Variants in GMEB1 observed in about 807,000 individuals in gnomAD.
GMEB1 encodes the protein glucocorticoid modulatory element-binding protein 1.
In GMEB1, 6 loss-of-function variants were observed where a neutral mutation model predicts 52.4. That is an observed-to-expected ratio of 0.11 (90% confidence interval 0.06 to 0.23). GMEB1 has a LOEUF of 0.23. GMEB1 is among the 10% of genes least tolerant of loss of function. GMEB1 has a pLI of 1.00. For synonymous variants in GMEB1, 255 were observed against 244.9 expected (o/e 1.04, Z -0.38); for missense variants, 486 against 685.6 (o/e 0.71, Z 3.25).
At chr1:28,684,906 C>T (rs1387276546) in intron 2 of GMEB1, among the ~76,000 whole-genome samples, 2 of 152,158 alleles carry the variant, frequency 1.3e-5, no homozygotes, top group Non-Finnish European at 2.9e-5. Flanking sequence ...CACTCTTACA[C>T]AGTTATGAAT....
rs1342946875 is a variant in GMEB1 at position 28,714,814 on chromosome 1, T to C, written c.*41T>C. 7.5e-7 allele frequency: 1 copy of C among 1,324,688 alleles called. No individual in the cohort carries two copies. Among genetic ancestry groups the C allele is most frequent in the Admixed American group, 2.0e-5 (1 of 49,242 alleles). The allele number at this position is 1,324,688 out of a possible 1,614,324, so 82.1% of individuals were successfully genotyped here. On this transcript the variant is annotated 3_prime_UTR_variant, in exon 10 of 10. Transcript: ENST00000373816. ...CCAGGAGTTATGTTTTGATTTGGAA[T>C]TTTAATTATTTGTTTATTTTTATCA... is the stretch of plus-strand genomic sequence containing the variant.
rs1671199908 is a variant in GMEB1 at position 28,714,464 on chromosome 1, G to A, written c.1383G>A (p.Leu461=). 2 of 1,614,056 alleles carry A rather than the reference G, an allele frequency of 1.2e-6. No homozygotes were observed. The highest frequency in any genetic ancestry group is 1.7e-6 in the Non-Finnish European group (2 of 1,180,036). Residue 461 remains leucine (L), a synonymous_variant, in exon 10 of 10, where the codon TTG becomes TTA. Transcript: ENST00000373816. ...DTVTIHPSSS[L]ALLSSTAMQD... ...TGACCATCCACCCTTCATCTAGCTTGGCGCTGCTGAGCTCTACTGCCATGC... is the reference window on the plus strand; with the variant it reads ...TGACCATCCACCCTTCATCTAGCTTAGCGCTGCTGAGCTCTACTGCCATGC...
At chr1:28,698,139 C>T (rs965069392) in intron 6 of GMEB1, among the ~76,000 whole-genome samples, 3 of 151,354 alleles carry the variant, frequency 2.0e-5, no homozygotes, top group African/African-American at 4.9e-5. Flanking sequence ...GACTCCGTCT[C>T]AAAAAAGAAA....
chr1:28,671,398 C>T (rs1034575583), intron 1 of GMEB1, among the ~76,000 whole-genome samples: 1 of 151,966 alleles, frequency 6.6e-6, no homozygotes, highest in Non-Finnish European at 1.5e-5. Context: ...ACTACAGGTG[C>T]GTGGCACTGC....
intron 1 of GMEB1, among the ~76,000 whole-genome samples, chr1:28,675,909 A>G (rs1472968484): frequency 1.3e-5 from 2 of 152,150 alleles, no homozygotes; most frequent in East Asian, 3.8e-4. Context: ...TGCAAGGAAT[A>G]TGGTATTTAG....
intron 6 of GMEB1, among the ~76,000 whole-genome samples, chr1:28,700,414 T>G (rs563346637): frequency 2.0e-5 from 3 of 149,816 alleles, no homozygotes; most frequent in South Asian, 4.2e-4. Context: ...CTCCGGAGGC[T>G]GAGGCAGGAG....
At chr1:28,669,428 C>T (rs1254551548) in intron 1 of GMEB1, among the ~76,000 whole-genome samples, 3 of 152,084 alleles carry the variant, frequency 2.0e-5, no homozygotes, top group Non-Finnish European at 4.4e-5. Context: ...CCTCTCGGAG[C>T]CTTGGCGGGA....
In GMEB1 at chr1:28,710,215, G is replaced by A. The variant is rs373368222; in HGVS notation, c.869-305G>A. Among the ~76,000 whole-genome samples, 352 of 152,284 alleles carry A rather than the reference G, an allele frequency of 2.3e-3. 1 individual carries two copies. The highest frequency in any genetic ancestry group is 6.1e-3 in the African/African-American group (253 of 41,564). ...GACAGGGGTCTCACTATGTTGCCCA[G>A]GCTGGTCTTGAACTCCTGGCCTCAA... On this transcript the variant is annotated intron_variant, in intron 8 of 9. Coordinates refer to ENST00000373816, the MANE Select transcript of GMEB1 (RefSeq NM_001319674.2).
rs748616357 is a variant in GMEB1, at chr1:28,714,399, A to T, written c.1318A>T (p.Thr440Ser). 10 of 1,614,072 alleles carry T rather than the reference A, an allele frequency of 6.2e-6. No individual in the cohort carries two copies. Among genetic ancestry groups the T allele is most frequent in the African/African-American group, 2.7e-5 (2 of 74,926 alleles). ...PSGPQLFRYATVVSSAKSSSP... is the reference protein window; with the variant it reads ...PSGPQLFRYASVVSSAKSSSP... The stretch of plus-strand genomic sequence containing the variant: ...TGGCCCTCAGCTCTTCCGCTATGCC[A>T]CAGTGGTCTCCTCTGCCAAGAGCAG... Residue 440 changes from threonine (T) to serine (S), a missense_variant, in exon 10 of 10, where the codon ACA (threonine) becomes TCA (serine). Physicochemically the swap from Thr to Ser is moderately conservative, Grantham distance 58. Around this residue, in one of 5 missense-constraint regions of GMEB1, gnomAD observed 153 missense variants for 200.8 expected, o/e 0.76. Transcript: ENST00000373816.
intron 6 of GMEB1, among the ~76,000 whole-genome samples, chr1:28,700,291 T>A (rs1670439020): frequency 6.6e-6 from 1 of 151,642 alleles, no homozygotes; most frequent in South Asian, 2.1e-4. Context: ...GGCTGGCAGA[T>A]CACAAGGTCA....
rs34231884 is a variant in GMEB1, at chr1:28,700,058, CAAAAAAAAAAAA to C, written c.599-2368_599-2357del. Among the ~76,000 whole-genome samples the C allele has an allele frequency of 1.1e-4, 7 of 61,144 alleles. No homozygotes were observed. The South Asian group carries it at 2.6e-3, about 23-fold the overall frequency. 40.1% of individuals were successfully genotyped at this position (61,144 alleles called of 152,430 possible). A position where few individuals can be genotyped will look rare whatever the true frequency, so the allele number is the denominator to read the frequency against. On this transcript the variant is annotated intron_variant, in intron 6 of 9. Transcript: ENST00000373816. ...GTGACAGGAGCGAGAGACCCTGTCT[CAAAAAAAAAAAA>C]AAAAAAAAAAAGATCTTGGCCGGGT...
chr1:28,691,877 A>G (rs1669982093), intron 4 of GMEB1, among the ~76,000 whole-genome samples, 168 bp downstream of exon 4: 1 of 151,252 alleles, frequency 6.6e-6, no homozygotes, highest in Admixed American at 6.6e-5. Context: ...AATGTGTCAC[A>G]ATAGAAAAAA....
chr1:28,671,277 TA>T (rs1050994209), intron 1 of GMEB1, among the ~76,000 whole-genome samples: 2 of 152,194 alleles, frequency 1.3e-5, no homozygotes, highest in East Asian at 1.9e-4. Flanking sequence ...TTTTTTATTT[TA>T]TTTTTTTGGG....
chr1:28,692,265 C>A (rs1570407718), intron 4 of GMEB1, among the ~76,000 whole-genome samples: 1 of 151,944 alleles, frequency 6.6e-6, no homozygotes, highest in Non-Finnish European at 1.5e-5. Context: ...GGTGAGGTGG[C>A]TCATGCCTGT....
At chr1:28,669,295 C>T (rs1668769986) in intron 1 of GMEB1, among the ~76,000 whole-genome samples, 1 of 151,820 alleles carries the variant, frequency 6.6e-6, no homozygotes, top group South Asian at 2.1e-4. Context: ...CTGGGGTATC[C>T]CCAAAGGCGG....
rs1488951384 is a variant in GMEB1, at chr1:28,715,355, T to A, written c.*582T>A. ...GGCTCACGCCTGCAATCCCAGCACT[T>A]TGGGAGGCCGAGGCGGGTGGATCAC... is the stretch of plus-strand genomic sequence containing the variant. On this transcript the variant is annotated 3_prime_UTR_variant, in exon 10 of 10. Coordinates refer to ENST00000373816, the MANE Select transcript of GMEB1 (RefSeq NM_001319674.2). The A allele has an allele frequency of 1.3e-5, 2 of 152,684 alleles. No homozygotes were observed. The highest frequency in any genetic ancestry group is 3.8e-4 in the East Asian group (2 of 5,198). The allele number at this position is 152,684 out of a possible 1,614,324, so 9.5% of individuals were successfully genotyped here. A position where few individuals can be genotyped will look rare whatever the true frequency, so the allele number is the denominator to read the frequency against.
chr1:28,688,124 A>G (rs897559256), intron 2 of GMEB1, among the ~76,000 whole-genome samples: 1 of 152,104 alleles, frequency 6.6e-6, no homozygotes, highest in African/African-American at 2.4e-5. Flanking sequence ...ATCTCTACTA[A>G]AAATACAAAA....
intron 1 of GMEB1, among the ~76,000 whole-genome samples, chr1:28,673,444 A>G (rs964506504): frequency 6.6e-6 from 1 of 151,346 alleles, no homozygotes; most frequent in Non-Finnish European, 1.5e-5. Context: ...TTTAGTAGAG[A>G]CGGGGTTTCA....
chr1:28,696,311 C>T (rs960624609), intron 5 of GMEB1, among the ~76,000 whole-genome samples: 1 of 152,218 alleles, frequency 6.6e-6, no homozygotes, highest in East Asian at 1.9e-4. Flanking sequence ...AAGTGATCCT[C>T]CTGCCTTGGC....
Sources: gnomAD v4.1 joint callset for allele counts (sites outside exome capture counted in the v4.1 genomes callset) on GRCh38, gnomAD v4.1.1 for gene constraint, gnomAD v4.1.1 regional missense constraint, MANE v1.5 for transcripts, NCBI Gene and HGNC (gene_info 2026-07-23, HGNC 2026-07-21) for gene names.